The following SLC1A1 variants were observed in gnomAD, a reference collection of about 807,000 sequenced individuals.
The protein encoded by SLC1A1 is excitatory amino acid transporter 3.
In SLC1A1, 43 loss-of-function variants were observed where a neutral mutation model predicts 53.3. That is an observed-to-expected ratio of 0.81 (90% CI 0.63 to 1.04). The LOEUF (loss-of-function observed/expected upper bound fraction) is 1.04. Among genes scored for constraint, SLC1A1 ranks in the 50% least tolerant of loss-of-function variants. The pLI is 0.00. For synonymous variants in SLC1A1, 307 were observed against 243.2 expected (o/e 1.26, Z -2.44); for missense variants, 748 against 664.9 (o/e 1.12, Z -1.37).
intron 10 of SLC1A1, among the ~76,000 whole-genome samples, chr9:4,579,591 C>G (rs1374697584): frequency 6.6e-6 from 1 of 152,182 alleles, no homozygotes; most frequent in Non-Finnish European, 1.5e-5. Flanking sequence ...ATTCTTAAAT[C>G]AGATTTGCTG....
chr9:4,569,225 A>T (rs1289362634), intron 6 of SLC1A1, among the ~76,000 whole-genome samples: 1 of 152,208 alleles, frequency 6.6e-6, no homozygotes, highest in East Asian at 1.9e-4. Flanking sequence ...CCCAGATGTA[A>T]TTCAGAGTTC....
At position 4,572,269 on chromosome 9, in the gene SLC1A1, T is replaced by G; in HGVS notation, c.648T>G (p.Ile216Met). 6.2e-7 allele frequency: 1 copy of G among 1,614,126 alleles called. No homozygotes were observed. The highest frequency in any genetic ancestry group is 8.5e-7 in the Non-Finnish European group (1 of 1,179,988). Residue 216 changes from isoleucine to methionine, a missense_variant, in exon 7 of 12, where the codon ATT becomes ATG. Coordinates refer to ENST00000262352, the MANE Select transcript of SLC1A1 (RefSeq NM_004170.6). ...ATGGCATAAACGTCCTGGGCTTGAT[T>G]GTCTTTTGCCTTGTCTTTGGACTTG... ...YSDGINVLGL[I>M]VFCLVFGLVI...
chr9:4,586,576 T>G lies in SLC1A1; in HGVS notation c.*1018T>G, dbSNP rs1162242587. 1 of 152,232 alleles carries G rather than the reference T, an allele frequency of 6.6e-6. No individual in the cohort carries two copies. The highest frequency in any genetic ancestry group is 2.4e-5 in the African/African-American group (1 of 41,460). 9.4% of individuals were successfully genotyped at this position (152,232 alleles called of 1,614,324 possible). A position where few individuals can be genotyped will look rare whatever the true frequency, so the allele number is the denominator to read the frequency against. Reference sequence around the variant, plus strand: ...GCTGTCACTCACAAAAGGCTGGATGTGCTTTCATCCAACTGGAAGGCTTTA... The same window carrying G: ...GCTGTCACTCACAAAAGGCTGGATGGGCTTTCATCCAACTGGAAGGCTTTA... On this transcript the variant is annotated 3_prime_UTR_variant, in exon 12 of 12. Transcript: ENST00000262352.
chr9:4,533,296 A>G lies in SLC1A1; in HGVS notation c.92-11271A>G, dbSNP rs1816547525. Among the ~76,000 whole-genome samples the G allele has an allele frequency of 2.0e-5, 3 of 152,310 alleles. No individual in the cohort carries two copies. The South Asian group carries it at 6.2e-4, about 32-fold the overall frequency. ...ATTGGATAAAGAGTCAAGACCCATC[A>G]GTGTGCTGTATTCAGGAAACCCATC... is the stretch of plus-strand genomic sequence containing the variant. On this transcript the variant is annotated intron_variant, in intron 1 of 11. Coordinates refer to ENST00000262352, the MANE Select transcript of SLC1A1 (RefSeq NM_004170.6).
At chr9:4,557,474 T>C (rs1418228815) in intron 2 of SLC1A1, among the ~76,000 whole-genome samples, 1 of 152,180 alleles carries the variant, frequency 6.6e-6, no homozygotes, top group East Asian at 1.9e-4. Flanking sequence ...TAGCCACGTG[T>C]GGCTACTTAA....
chr9:4,546,728 C>T (rs76279477), intron 2 of SLC1A1, among the ~76,000 whole-genome samples: 3 of 152,188 alleles, frequency 2.0e-5, no homozygotes, highest in Non-Finnish European at 4.4e-5. Context: ...AATTTCTAGG[C>T]TCAAGCAATC....
At chr9:4,580,708 A>AG (rs577638733) in intron 10 of SLC1A1, among the ~76,000 whole-genome samples, 288 of 149,022 alleles carry the variant, frequency 1.9e-3, no homozygotes, top group African/African-American at 6.5e-3. Context: ...AAGAGCTGAG[A>AG]GAAAAAAAAA....
At chr9:4,529,922 G>C (rs1464114659) in intron 1 of SLC1A1, among the ~76,000 whole-genome samples, 2 of 152,144 alleles carry the variant, frequency 1.3e-5, no homozygotes, top group South Asian at 4.1e-4. Context: ...TCACCTGTAA[G>C]ATACATGCCT....
intron 1 of SLC1A1, among the ~76,000 whole-genome samples, chr9:4,511,048 T>A (rs904577958): frequency 6.6e-6 from 1 of 152,248 alleles, no homozygotes; most frequent in African/African-American, 2.4e-5. Flanking sequence ...AGTTAAATTT[T>A]ATTGAATTCA....
chr9:4,526,237 T>A (rs940003010), intron 1 of SLC1A1, among the ~76,000 whole-genome samples: 2 of 152,168 alleles, frequency 1.3e-5, no homozygotes, highest in Non-Finnish European at 2.9e-5. Context: ...ATGGAAAGAA[T>A]TTATTAGATA....
rs1819619338 is a variant in SLC1A1, at chr9:4,567,684, G to A, written c.499G>A (p.Glu167Lys). Reference sequence around the variant, plus strand: ...CAACATGCAGTACAAAACTAAGCGTGAAGAAGTGAAGCCTCCCAGCGATCC... The same window carrying A: ...CAACATGCAGTACAAAACTAAGCGTAAAGAAGTGAAGCCTCCCAGCGATCC... ...ACFQQYKTKREEVKPPSDPEM... is the reference protein window; with the variant it reads ...ACFQQYKTKRKEVKPPSDPEM... Residue 167 changes from glutamate to lysine, a missense_variant, in exon 6 of 12, where the codon GAA becomes AAA. Glu to Lys is a moderately conservative substitution (Grantham distance 56, BLOSUM62 1). Coordinates refer to ENST00000262352, the MANE Select transcript of SLC1A1 (RefSeq NM_004170.6). The A allele has an allele frequency of 1.2e-6, 2 of 1,611,836 alleles. No individual in the cohort carries two copies. Among genetic ancestry groups the A allele is most frequent in the Non-Finnish European group, 1.7e-6 (2 of 1,178,246 alleles).
intron 4 of SLC1A1, among the ~76,000 whole-genome samples, chr9:4,564,785 G>T (rs1819322017): frequency 6.6e-6 from 1 of 152,102 alleles, no homozygotes; most frequent in South Asian, 2.1e-4. Context: ...AATTGTACAG[G>T]AGAAACTCTC....
At chr9:4,535,416 A>C (rs1033791007) in intron 1 of SLC1A1, among the ~76,000 whole-genome samples, 1 of 152,192 alleles carries the variant, frequency 6.6e-6, no homozygotes, top group Non-Finnish European at 1.5e-5. Context: ...CACCAATAAC[A>C]GACAAACAGA....
intron 1 of SLC1A1, among the ~76,000 whole-genome samples, chr9:4,497,377 T>C (rs1820470000): frequency 6.6e-6 from 1 of 152,144 alleles, no homozygotes; most frequent in Non-Finnish European, 1.5e-5. Context: ...TATTACCCTA[T>C]ATTCTGATGT....
At chr9:4,527,221 C>T (rs563695132) in intron 1 of SLC1A1, among the ~76,000 whole-genome samples, 1 of 152,104 alleles carries the variant, frequency 6.6e-6, no homozygotes, top group South Asian at 2.1e-4. Flanking sequence ...TGGAAGAGAA[C>T]CCTAAGCTCC....
intron 1 of SLC1A1, among the ~76,000 whole-genome samples, chr9:4,532,494 G>T (rs954972623): frequency 2.0e-5 from 3 of 152,122 alleles, no homozygotes; most frequent in African/African-American, 7.2e-5. Context: ...GAAATGAAGT[G>T]AGAAGAGAAG....
In SLC1A1 at chr9:4,556,495, G is replaced by C. The variant is rs772640293; in HGVS notation, c.233-4954G>C. On this transcript the variant is annotated intron_variant, in intron 2 of 11. Coordinates refer to ENST00000262352, the MANE Select transcript of SLC1A1 (RefSeq NM_004170.6). The surrounding 1 kb of genome is among the most constrained non-coding windows in gnomAD (Gnocchi z 4.1). ...CCCAGGAGAAACGAGTTCTGATAGT[G>C]AACTGTAAAGAGAGGGGGTCCTTCA... 5.9e-5 allele frequency among the ~76,000 whole-genome samples: 9 copies of C among 152,166 alleles called. No homozygotes were observed. Among genetic ancestry groups the C allele is most frequent in the Non-Finnish European group, 1.3e-4 (9 of 68,044 alleles).
intron 2 of SLC1A1, among the ~76,000 whole-genome samples, chr9:4,548,557 A>T (rs1051436195): frequency 1.3e-5 from 2 of 152,204 alleles, no homozygotes; most frequent in Non-Finnish European, 1.5e-5. Context: ...TTAAAAAAAT[A>T]CTTTATAGCT....
At chr9:4,570,997 T>C (rs1450840021) in intron 6 of SLC1A1, among the ~76,000 whole-genome samples, 2 of 152,004 alleles carry the variant, frequency 1.3e-5, no homozygotes, top group African/African-American at 4.8e-5. Context: ...CTACCAATGA[T>C]AGACTGGATA....
Sources: gnomAD v4.1 joint callset for allele counts (sites outside exome capture counted in the v4.1 genomes callset) on GRCh38, gnomAD v4.1.1 for gene constraint, Gnocchi (gnomAD v3.1) non-coding constraint, MANE v1.5 for transcripts, NCBI Gene and HGNC (gene_info 2026-07-23, HGNC 2026-07-21) for gene names.